Variants in PDZK1 observed in about 807,000 individuals in gnomAD.
PDZK1 encodes the protein PDZ domain containing 1, also known as Na(+)/H(+) exchange regulatory cofactor NHE-RF3.
PDZK1 carries 23 observed loss-of-function variants against 38.1 expected under a neutral mutation model. That is an observed-to-expected ratio of 0.60 (90% CI 0.43 to 0.85). PDZK1 has a LOEUF of 0.85. Ranked by LOEUF, PDZK1 falls within the 40% of genes least tolerant of loss-of-function variation. PDZK1 has a pLI of 0.00. For synonymous variants in PDZK1, 98 were observed against 186.2 expected (o/e 0.53, Z 3.86); for missense variants, 297 against 504.3 (o/e 0.59, Z 3.94).
intron 1 of PDZK1, among the ~76,000 whole-genome samples, chr1:145,694,077 G>A (rs189049625): frequency 6.6e-6 from 1 of 152,300 alleles, no homozygotes; most frequent in Admixed American, 6.5e-5. Context: ...TTCTAGTTCT[G>A]AGTCGGGGGA....
intron 1 of PDZK1, among the ~76,000 whole-genome samples, chr1:145,704,857 T>C (rs1656162744): frequency 6.6e-6 from 1 of 152,230 alleles, no homozygotes; most frequent in African/African-American, 2.4e-5. Context: ...GGACTTCAGA[T>C]GCCCTGAGAG....
intron 6 of PDZK1, among the ~76,000 whole-genome samples, chr1:145,677,648 T>C (rs1287176568): frequency 2.6e-5 from 4 of 151,780 alleles, no homozygotes; most frequent in African/African-American, 9.7e-5. Context: ...CCACCTTCAG[T>C]CTTTACTAAG....
chr1:145,688,000 G>A lies in PDZK1; in HGVS notation c.22C>T (p.Arg8Ter), dbSNP rs191362962. MTSTFNP[R>*]ECKLSKQEGQ... is the part of the protein sequence containing the mutation. The stretch of plus-strand genomic sequence containing the variant: ...TCTTGCTTGGACAGTTTACATTCTC[G>A]GGGGTTGAAGGTGGAGGTCATTTCT... Residue 8 changes from arginine (R) to a stop codon, truncating the protein, a stop_gained, in exon 2 of 9, where the codon CGA becomes TGA. Coordinates refer to ENST00000417171, the MANE Select transcript of PDZK1 (RefSeq NM_001201325.2). LOFTEE classifies it high-confidence loss of function. 1.4e-4 allele frequency: 220 copies of A among 1,612,934 alleles called. No homozygotes were observed. Among genetic ancestry groups the A allele is most frequent in the Non-Finnish European group, 1.7e-4 (203 of 1,179,666 alleles).
At chr1:145,699,377 C>G (rs1031035298) in intron 1 of PDZK1, among the ~76,000 whole-genome samples, 3 of 152,150 alleles carry the variant, frequency 2.0e-5, no homozygotes, top group African/African-American at 7.2e-5. Flanking sequence ...AAGATTGTAC[C>G]ACTCACTCCA....
At chr1:145,675,062 G>T (rs1315776686) in intron 6 of PDZK1, among the ~76,000 whole-genome samples, 50 of 151,868 alleles carry the variant, frequency 3.3e-4, no homozygotes, top group Non-Finnish European at 5.0e-4. Context: ...GCTATGTATT[G>T]TTGTAAGCAT....
At chr1:145,699,259 A>C (rs911136405) in intron 1 of PDZK1, among the ~76,000 whole-genome samples, 1 of 152,024 alleles carries the variant, frequency 6.6e-6, no homozygotes, top group African/African-American at 2.4e-5. Context: ...AAATAAAATA[A>C]ATTTAAAAAT....
chr1:145,700,247 A>C (rs587709043), intron 1 of PDZK1, among the ~76,000 whole-genome samples: 16 of 152,296 alleles, frequency 1.1e-4, no homozygotes, highest in African/African-American at 3.6e-4. Flanking sequence ...AAGCTCAAAT[A>C]ATAAACTCTG....
In PDZK1 at chr1:145,671,420, C is replaced by CTATT. The variant is rs1653020383; in HGVS notation, c.*12_*15dup. 1 of 1,592,596 alleles carries CTATT rather than the reference C, an allele frequency of 6.3e-7. No individual in the cohort carries two copies. The highest frequency in any genetic ancestry group is 1.3e-5 in the African/African-American group (1 of 74,564). ...ACAGCTATCAAATAAACAGCCAAAG[C>CTATT]TATTACTTGTTTTCATCACATCTCT... On this transcript the variant is annotated 3_prime_UTR_variant, in exon 9 of 9. Transcript: ENST00000417171.
At chr1:145,672,570 C>T (rs1485044719) in intron 8 of PDZK1, among the ~76,000 whole-genome samples, 160 bp downstream of exon 8, 3 of 151,900 alleles carry the variant, frequency 2.0e-5, no homozygotes, top group Non-Finnish European at 4.4e-5. Flanking sequence ...CTTATACTGC[C>T]TCCTGTCCTC....
intron 5 of PDZK1, among the ~76,000 whole-genome samples, chr1:145,679,921 CTG>C (rs1187940137): frequency 1.2e-4 from 18 of 152,232 alleles, no homozygotes; most frequent in African/African-American, 4.1e-4. Context: ...GCCAATTAAA[CTG>C]TGCCAGTGTC....
At chr1:145,682,789 C>A (rs1571598154) in intron 3 of PDZK1, among the ~76,000 whole-genome samples, 153 bp from the exon 4 acceptor site, 1 of 152,314 alleles carries the variant, frequency 6.6e-6, no homozygotes, top group Middle Eastern at 3.4e-3. Context: ...ACATGTCAAC[C>A]TTAATGTTAT....
intron 1 of PDZK1, among the ~76,000 whole-genome samples, chr1:145,703,837 T>G (rs587635452): frequency 1.3e-5 from 2 of 152,044 alleles, no homozygotes; most frequent in East Asian, 3.9e-4. Context: ...TTTTTTTTTT[T>G]GGCCAGGAGG....
chr1:145,673,753 A>G lies in PDZK1; in HGVS notation c.1119T>C (p.Asp373=). The part of the protein sequence containing the change: ...SSPPDTTEEV[D]HKPKLCRLAK... The stretch of plus-strand genomic sequence containing the variant: ...CCAGCCTGCAGAGTTTAGGCTTATG[A>G]TCTACTTCCTCTGTAGTATCTGGTG... The change falls in exon 7 of 9, where the codon GAT becomes GAC. Residue 373 remains aspartate (D), a synonymous_variant. Transcript: ENST00000417171. The G allele has an allele frequency of 1.2e-6, 2 of 1,611,850 alleles. No homozygotes were observed. The highest frequency in any genetic ancestry group is 1.7e-6 in the Non-Finnish European group (2 of 1,179,822).
chr1:145,704,004 T>C (rs1207764805), intron 1 of PDZK1, among the ~76,000 whole-genome samples: 2 of 152,098 alleles, frequency 1.3e-5, no homozygotes, highest in Non-Finnish European at 2.9e-5. Context: ...ACTTTTTGTA[T>C]TTTTAGTAGA....
chr1:145,688,820 G>A (rs980271847), intron 1 of PDZK1, among the ~76,000 whole-genome samples: 6 of 152,074 alleles, frequency 3.9e-5, no homozygotes, highest in Admixed American at 1.3e-4. Context: ...TTAGCCAGGC[G>A]TGGTGGCAGC....
In PDZK1 at chr1:145,688,026, G is replaced by A. The variant is rs782459425; in HGVS notation, c.-2-3C>T. On this transcript the variant is annotated splice_region_variant and splice_polypyrimidine_tract_variant and intron_variant, in intron 1 of 8. Coordinates refer to ENST00000417171, the MANE Select transcript of PDZK1 (RefSeq NM_001201325.2). ...GGGGTTGAAGGTGGAGGTCATTTCT[G>A]TGATGAAAAAAATAAATTAATAAAA... 5 of 1,609,862 alleles carry A rather than the reference G, an allele frequency of 3.1e-6. No individual in the cohort carries two copies. Among genetic ancestry groups the A allele is most frequent in the Admixed American group, 3.3e-5 (2 of 59,856 alleles).
At chr1:145,701,031 C>T (rs1553704884) in intron 1 of PDZK1, among the ~76,000 whole-genome samples, 1 of 151,954 alleles carries the variant, frequency 6.6e-6, no homozygotes, top group Non-Finnish European at 1.5e-5. Context: ...ATGGTGAAAC[C>T]CCGTCTCTAC....
chr1:145,672,989 C>G lies in PDZK1; in HGVS notation c.1247G>C (p.Gly416Ala). The G allele has an allele frequency of 1.3e-6, 2 of 1,548,916 alleles. No homozygotes were observed. The highest frequency in any genetic ancestry group is 2.2e-5 in the East Asian group (1 of 44,476). ...VQKGGPADLA[G>A]LEDEDVIIEV... ...AATGATGACATCCTCATCCTCTAGC[C>G]CAGCCAAGTCAGCAGGACCGCCCTT... Residue 416 changes from glycine to alanine, a missense_variant, in exon 8 of 9, where the codon GGG (glycine) becomes GCG (alanine). Physicochemically the swap from Gly to Ala is moderately conservative, Grantham distance 60 (BLOSUM62 0). Around this residue, in one of 5 missense-constraint regions of PDZK1, gnomAD observed 49 missense variants for 135.6 expected, o/e 0.36. Coordinates refer to ENST00000417171, the MANE Select transcript of PDZK1 (RefSeq NM_001201325.2).
At chr1:145,682,017 C>A (rs1654311189) in intron 4 of PDZK1, among the ~76,000 whole-genome samples, 1 of 131,790 alleles carries the variant, frequency 7.6e-6, no homozygotes, top group Non-Finnish European at 1.6e-5. Context: ...AAAACACACA[C>A]ACACACACAC....
Sources: gnomAD v4.1 joint callset for allele counts (sites outside exome capture counted in the v4.1 genomes callset) on GRCh38, gnomAD v4.1.1 for gene constraint, gnomAD v4.1.1 regional missense constraint, MANE v1.5 for transcripts, NCBI Gene and HGNC (gene_info 2026-07-23, HGNC 2026-07-21) for gene names.